KLHL32: variants seen among roughly 807,000 people sequenced by gnomAD.
The protein encoded by KLHL32 is kelch-like protein 32.
In KLHL32, 35 loss-of-function variants were observed where a neutral mutation model predicts 64.8. That is an observed-to-expected ratio of 0.54 (90% confidence interval 0.41 to 0.72). The LOEUF (loss-of-function observed/expected upper bound fraction) is 0.72. Ranked by LOEUF, KLHL32 falls within the 30% of genes least tolerant of loss-of-function variation. The pLI, the probability that KLHL32 is intolerant of heterozygous loss-of-function variation, is 0.00. For missense variants in KLHL32, 589 were observed against 768.5 expected (o/e 0.77, Z 2.76); for synonymous variants, 259 against 281.0 (o/e 0.92, Z 0.78).
rs928500374 is a variant in KLHL32, at chr6:97,020,838, A to C, written c.205-20654A>C. ...CTGCCCCTTCTGAACCTTCCTTGCT[A>C]GTTTTTCCCAATCTCCCCAGCTTCT... On this transcript the variant is annotated intron_variant, in intron 3 of 10. Coordinates refer to ENST00000369261, the MANE Select transcript of KLHL32 (RefSeq NM_052904.4). Among the ~76,000 whole-genome samples, 8 of 150,566 alleles carry C rather than the reference A, an allele frequency of 5.3e-5. No homozygotes were observed. The East Asian group carries it at 7.7e-4, about 15-fold the overall frequency.
Position 97,130,894 on chromosome 6 carries a change from T to C in KLHL32, c.1551T>C (p.Asp517=), listed in dbSNP as rs1051987766. The C allele has an allele frequency of 8.1e-6, 13 of 1,613,992 alleles. No individual in the cohort carries two copies. Among genetic ancestry groups the C allele is most frequent in the Non-Finnish European group, 1.1e-5 (13 of 1,179,968 alleles). ...NNDRILVRHI[D]SYNIDTDQWT... ...ACCGGATCCTTGTGCGCCATATAGA[T>C]TCTTACAACATAGACACTGACCAGT... The change falls in exon 9 of 11, where the codon GAT becomes GAC. Residue 517 remains aspartate (D), a synonymous_variant. Transcript: ENST00000369261.
chr6:97,057,899 G>A (rs1788271499), intron 4 of KLHL32, among the ~76,000 whole-genome samples: 2 of 152,098 alleles, frequency 1.3e-5, no homozygotes, highest in South Asian at 2.1e-4. Context: ...TCTGTAATCC[G>A]TTTTGAGTTT....
chr6:96,960,697 A>C (rs905206587), intron 1 of KLHL32, among the ~76,000 whole-genome samples: 6 of 152,188 alleles, frequency 3.9e-5, no homozygotes, highest in Admixed American at 3.3e-4. Flanking sequence ...CATGTGCCCA[A>C]GGTGTTCAGG....
the KLHL32 span, among the ~76,000 whole-genome samples, chr6:96,915,403 T>A: frequency 6.6e-6 from 1 of 152,090 alleles, no homozygotes; most frequent in Non-Finnish European, 1.5e-5. Context: ...TGAAAGACAC[T>A]GACATATGAA....
chr6:97,125,994 A>G (rs1234606790), intron 7 of KLHL32, among the ~76,000 whole-genome samples: 1 of 152,178 alleles, frequency 6.6e-6, no homozygotes, highest in Non-Finnish European at 1.5e-5. Flanking sequence ...AATCTAAGAA[A>G]AGGGAGGTCA....
At chr6:97,033,246 A>G (rs79877671) in intron 3 of KLHL32, among the ~76,000 whole-genome samples, 4,432 of 152,188 alleles carry the variant, frequency 0.029, 190 homozygotes, top group African/African-American at 0.099. Flanking sequence ...TAAACCCACC[A>G]TATGCCTATA....
the KLHL32 span, among the ~76,000 whole-genome samples, chr6:96,901,772 C>T: frequency 6.6e-6 from 1 of 152,094 alleles, no homozygotes; most frequent in Admixed American, 6.5e-5. Context: ...GTTTGTTGTT[C>T]CCCCTCCATG....
chr6:97,013,904 T>G lies in KLHL32; in HGVS notation c.205-27588T>G, dbSNP rs377719097. ...AGGGATAAATGCTCATTTTATAAAT[T>G]TGTTGTCCTAAAGTTTAAACTGAAA... On this transcript the variant is annotated intron_variant, in intron 3 of 10. Coordinates refer to ENST00000369261, the MANE Select transcript of KLHL32 (RefSeq NM_052904.4). Among the ~76,000 whole-genome samples, 13 of 152,316 alleles carry G rather than the reference T, an allele frequency of 8.5e-5. No individual in the cohort carries two copies. In the East Asian group the frequency reaches 2.5e-3, roughly 29 times the overall value.
At chr6:97,132,266 G>C (rs1228454083) in intron 9 of KLHL32, among the ~76,000 whole-genome samples, 1 of 152,162 alleles carries the variant, frequency 6.6e-6, no homozygotes, top group Non-Finnish European at 1.5e-5. Flanking sequence ...ACAAATGTAA[G>C]CACTTGTCTA....
At chr6:97,105,848 A>G (rs1335570821) in intron 6 of KLHL32, among the ~76,000 whole-genome samples, 1 of 152,216 alleles carries the variant, frequency 6.6e-6, no homozygotes, top group Non-Finnish European at 1.5e-5. Flanking sequence ...TTGATCACTC[A>G]TCTGATGAGA....
In KLHL32 at chr6:97,064,639, G is replaced by T; in HGVS notation, c.324G>T (p.Glu108Asp). 6.2e-7 allele frequency: 1 copy of T among 1,614,008 alleles called. No individual in the cohort carries two copies. Among genetic ancestry groups the T allele is most frequent in the Non-Finnish European group, 8.5e-7 (1 of 1,179,924 alleles). The change falls in exon 5 of 11, where the codon GAG becomes GAT. Residue 108 changes from glutamate to aspartate, a missense_variant. Physicochemically the swap from Glu to Asp is conservative, Grantham distance 45. This residue lies in a region of KLHL32 where 191 missense variants were observed against 223.3 expected (regional missense o/e 0.86). Coordinates refer to ENST00000369261, the MANE Select transcript of KLHL32 (RefSeq NM_052904.4). ...EFAYTGQILLEPGVIQDVLAA... is the reference protein window; with the variant it reads ...EFAYTGQILLDPGVIQDVLAA... ...AACAAACAAAACAGATTTTGCTGGA[G>T]CCAGGTGTGATCCAGGATGTGCTAG...
chr6:97,065,169 G>A lies in KLHL32; in HGVS notation c.411+443G>A, dbSNP rs149500230. On this transcript the variant is annotated intron_variant, in intron 5 of 10. Transcript: ENST00000369261. ...AAAGTCCTATGTAATTAATTACCAT[G>A]TGAACTTCCCAGGCAGTAAATGCCG... Among the ~76,000 whole-genome samples the A allele has an allele frequency of 1.5e-3, 225 of 152,306 alleles. 1 individual carries two copies. Among genetic ancestry groups the A allele is most frequent in the African/African-American group, 5.3e-3 (222 of 41,568 alleles).
intron 3 of KLHL32, among the ~76,000 whole-genome samples, chr6:97,033,416 C>G (rs1783859745): frequency 6.6e-6 from 1 of 152,026 alleles, no homozygotes; most frequent in South Asian, 2.1e-4. Context: ...TTTTCTTTAT[C>G]CATTCATCCG....
At chr6:97,046,689 G>A (rs1785977739) in intron 4 of KLHL32, among the ~76,000 whole-genome samples, 2 of 152,180 alleles carry the variant, frequency 1.3e-5, no homozygotes, top group African/African-American at 4.8e-5. Flanking sequence ...ATGGCAAAAA[G>A]AATGAAGTTG....
intron 3 of KLHL32, among the ~76,000 whole-genome samples, chr6:97,003,846 T>C (rs9487711): frequency 0.078 from 11,849 of 152,256 alleles, 985 homozygotes; most frequent in Admixed American, 0.22. Flanking sequence ...TCCGTTGGTC[T>C]ATGTCTCTGC....
At chr6:96,968,139 A>G (rs535069971) in intron 2 of KLHL32, among the ~76,000 whole-genome samples, 46 of 152,310 alleles carry the variant, frequency 3.0e-4, no homozygotes, top group African/African-American at 1.1e-3. Context: ...AACTGGTGAC[A>G]TTGCTGTAGC....
At chr6:96,992,842 T>TG (rs1264148209) in intron 3 of KLHL32, among the ~76,000 whole-genome samples, 8 of 152,362 alleles carry the variant, frequency 5.3e-5, no homozygotes, top group African/African-American at 1.9e-4. Context: ...GCCCAGGGAC[T>TG]GCCAGATATA....
At chr6:96,912,634 TA>T in the KLHL32 span, among the ~76,000 whole-genome samples, 1 of 152,194 alleles carries the variant, frequency 6.6e-6, no homozygotes, top group Non-Finnish European at 1.5e-5. Flanking sequence ...CCATGAATGT[TA>T]CAAAAACCAA....
chr6:96,999,723 A>G (rs1406739841), intron 3 of KLHL32, among the ~76,000 whole-genome samples: 1 of 152,100 alleles, frequency 6.6e-6, no homozygotes, highest in Non-Finnish European at 1.5e-5. Context: ...ATCTTATTTG[A>G]TATTTTTATT....
Sources: allele counts gnomAD v4.1 joint callset (sites outside exome capture counted in the v4.1 genomes callset), GRCh38; gene constraint gnomAD v4.1.1; regional missense constraint gnomAD v4.1.1; transcripts MANE v1.5; gene names NCBI Gene and HGNC (gene_info 2026-07-23, HGNC 2026-07-21).